TMEM50B: variants seen among roughly 807,000 people sequenced by gnomAD.
The protein encoded by TMEM50B is transmembrane protein 50B, also known as HCV p7-trans-regulated protein 3.
A neutral mutation model predicts 23.4 loss-of-function variants in TMEM50B; 14 were observed. That is an observed-to-expected ratio of 0.60 (90% confidence interval 0.39 to 0.93). The LOEUF (loss-of-function observed/expected upper bound fraction) is 0.93. TMEM50B is among the 40% of genes least tolerant of loss of function. The pLI is 0.00. For missense variants in TMEM50B, 159 were observed against 193.0 expected (o/e 0.82, Z 1.04); for synonymous variants, 64 against 62.3 (o/e 1.03, Z -0.13).
chr21:33,475,960 C>T (rs1242501042), intron 1 of TMEM50B, among the ~76,000 whole-genome samples: 2 of 151,744 alleles, frequency 1.3e-5, no homozygotes, highest in Non-Finnish European at 2.9e-5. Flanking sequence ...TCTGAAGGAC[C>T]TCTCTTATCA....
intron 5 of TMEM50B, chr21:33,456,076 C>T (rs1360189203): frequency 4.8e-6 from 3 of 629,646 alleles, no homozygotes; most frequent in South Asian, 1.5e-5. Context: ...GTAACTTGCT[C>T]CTTTGCCTCC....
chr21:33,435,882 CAAA>C (rs35251279), intron 8 of TMEM50B, among the ~76,000 whole-genome samples: 41 of 48,244 alleles, frequency 8.5e-4, no homozygotes, highest in African/African-American at 3.7e-3. Flanking sequence ...GACTCCGTCT[CAAA>C]AAAAAAAAAA....
intron 1 of TMEM50B, among the ~76,000 whole-genome samples, chr21:33,476,544 G>A (rs375492853): frequency 1.3e-4 from 19 of 151,596 alleles, no homozygotes; most frequent in African/African-American, 3.9e-4. Context: ...AGCGGATCAC[G>A]AGGTCAGGAG....
At chr21:33,476,210 G>C (rs2843974) in intron 1 of TMEM50B, among the ~76,000 whole-genome samples, 117,187 of 151,892 alleles carry the variant, frequency 0.77, 45,734 homozygotes, top group East Asian at 0.98. Flanking sequence ...CCTGACAAAA[G>C]CCCGTCTCTA....
intron 2 of TMEM50B, among the ~76,000 whole-genome samples, chr21:33,467,926 C>A (rs1166040458): frequency 6.6e-6 from 1 of 152,066 alleles, no homozygotes; most frequent in Non-Finnish European, 1.5e-5. Context: ...TAGTATGAAC[C>A]TGTAGTCCCA....
intron 1 of TMEM50B, among the ~76,000 whole-genome samples, chr21:33,473,000 G>A (rs73195859): frequency 0.092 from 14,040 of 152,056 alleles, 924 homozygotes; most frequent in Non-Finnish European, 0.14. Context: ...TCAAACTGCT[G>A]AAAACCAGAG....
At chr21:33,468,693 T>A in intron 2 of TMEM50B, 94 bp downstream of exon 2, 1 of 941,966 alleles carries the variant, frequency 1.1e-6, no homozygotes, top group Non-Finnish European at 1.7e-6. Flanking sequence ...AAATAAATAG[T>A]TCTGGAAAGC....
chr21:33,432,942 A>T (rs1490918838), intron 8 of TMEM50B: 5 of 1,298,302 alleles, frequency 3.9e-6, no homozygotes, highest in Admixed American at 1.9e-5. Flanking sequence ...CGGGAGTGTC[A>T]TGGTACAATC....
chr21:33,432,595 G>A (rs963588193), exon 9 of TMEM50B: 9 of 1,139,408 alleles, frequency 7.9e-6, no homozygotes, highest in Non-Finnish European at 1.2e-5. Context: ...GGGGGGTAGA[G>A]GGACTTGCCC....
At chr21:33,459,725 A>C (rs962708710) in intron 5 of TMEM50B, among the ~76,000 whole-genome samples, 1 of 151,874 alleles carries the variant, frequency 6.6e-6, no homozygotes, top group Non-Finnish European at 1.5e-5. Flanking sequence ...CAATGAAACG[A>C]AAGATTATCT....
intron 1 of TMEM50B, among the ~76,000 whole-genome samples, chr21:33,472,142 G>T (rs1293271136): frequency 1.3e-5 from 2 of 151,638 alleles, no homozygotes; most frequent in Admixed American, 6.6e-5. Flanking sequence ...CCAGCACTTT[G>T]GGAGGCCAAG....
At chr21:33,471,415 C>G (rs1161388806) in intron 1 of TMEM50B, among the ~76,000 whole-genome samples, 2 of 152,028 alleles carry the variant, frequency 1.3e-5, no homozygotes, top group East Asian at 3.9e-4. Flanking sequence ...GGAAAAAGAA[C>G]AGTCAATAGA....
rs571277206 is a variant in TMEM50B at position 33,471,782 on chromosome 21, T to A, written c.-41-2856A>T. Among the ~76,000 whole-genome samples the A allele has an allele frequency of 7.2e-5, 11 of 152,244 alleles. No homozygotes were observed. In the South Asian group the frequency reaches 2.3e-3, roughly 32 times the overall value. On this transcript the variant is annotated intron_variant, in intron 1 of 6. Coordinates refer to ENST00000542230, the MANE Select transcript of TMEM50B (RefSeq NM_006134.7). The stretch of plus-strand genomic sequence containing the variant: ...TGGGCGCAGTGGCTCATGCCTGTAA[T>A]CCCAGCACTTTGGGAGGCCGAGGCA...
intron 6 of TMEM50B, among the ~76,000 whole-genome samples, chr21:33,454,219 T>TAAA (rs2084148432): frequency 6.6e-6 from 1 of 152,140 alleles, no homozygotes; most frequent in Non-Finnish European, 1.5e-5. Context: ...TTTTTCCACT[T>TAAA]ACTTTAACTT....
intron 5 of TMEM50B, among the ~76,000 whole-genome samples, chr21:33,457,039 G>A (rs935190634): frequency 3.3e-5 from 5 of 152,236 alleles, no homozygotes; most frequent in Admixed American, 3.3e-4. Context: ...TAGATCACTT[G>A]AGGTCAGGAG....
chr21:33,456,724 A>C (rs183198176), intron 5 of TMEM50B, among the ~76,000 whole-genome samples: 1 of 152,172 alleles, frequency 6.6e-6, no homozygotes, highest in African/African-American at 2.4e-5. Flanking sequence ...TAACCTCAGC[A>C]TATCTTCATT....
intron 6 of TMEM50B, among the ~76,000 whole-genome samples, chr21:33,453,643 T>C (rs183977135): frequency 6.6e-6 from 1 of 151,956 alleles, no homozygotes; most frequent in Non-Finnish European, 1.5e-5. Context: ...AGAAGGAATA[T>C]CAAGAAAACT....
chr21:33,461,302 C>T (rs545481705), intron 4 of TMEM50B, among the ~76,000 whole-genome samples: 70 of 152,214 alleles, frequency 4.6e-4, no homozygotes, highest in African/African-American at 1.5e-3. Flanking sequence ...ATTTTAGACA[C>T]CAGATAAGGA....
chr21:33,435,917 C>T lies in TMEM50B; in HGVS notation c.*2121-3115G>A, dbSNP rs534025936. 7.4e-5 allele frequency among the ~76,000 whole-genome samples: 11 copies of T among 147,892 alleles called. No individual in the cohort carries two copies. The South Asian group carries it at 8.6e-4, about 12-fold the overall frequency. ...AAAAAAAAAAAAAAAATTAGCCAGC[C>T]GTGGTGGTGCACGCCTGCAATCCTA... On this transcript the variant is annotated intron_variant and NMD_transcript_variant, in intron 8 of 8. Transcript: ENST00000420455.
Sources: gnomAD v4.1 joint callset for allele counts (sites outside exome capture counted in the v4.1 genomes callset) on GRCh38, gnomAD v4.1.1 for gene constraint, MANE v1.5 for transcripts, NCBI Gene and HGNC (gene_info 2026-07-23, HGNC 2026-07-21) for gene names.